The following SLC44A2 variants were observed in gnomAD, a reference collection of about 807,000 sequenced individuals.
SLC44A2 encodes solute carrier family 44 member 2 (CTL2 blood group).
SLC44A2 carries 57 observed loss-of-function variants against 90.8 expected under a neutral mutation model. The ratio of observed to expected loss-of-function variants is 0.63; its 90% CI spans 0.51 to 0.78. The LOEUF is 0.78. SLC44A2 is among the 30% of genes least tolerant of loss of function. The pLI, the probability that SLC44A2 is intolerant of heterozygous loss-of-function variation, is 0.00. For missense variants in SLC44A2, 794 were observed against 919.7 expected (o/e 0.86, Z 1.77); for synonymous variants, 355 against 360.7 (o/e 0.98, Z 0.18).
At position 10,608,647 on chromosome 19, in the gene SLC44A2, A is replaced by T. The variant is rs937208048; in HGVS notation, c.31+6086A>T. ...TTATTAGTATATATATATTTTATTT[A>T]TTTATTTATTTTTTTAATTTGAGAC... On this transcript the variant is annotated intron_variant, in intron 1 of 21. Transcript: ENST00000407327. Among the ~76,000 whole-genome samples, 4 of 150,280 alleles carry T rather than the reference A, an allele frequency of 2.7e-5. No individual in the cohort carries two copies. In the East Asian group the frequency reaches 7.7e-4, roughly 29 times the overall value.
intron 1 of SLC44A2, among the ~76,000 whole-genome samples, chr19:10,608,919 G>A (rs1918198543): frequency 6.6e-6 from 1 of 151,172 alleles, no homozygotes; most frequent in Non-Finnish European, 1.5e-5. Flanking sequence ...CCAGAGTGCT[G>A]GGGCTAGAGT....
chr19:10,613,564 T>C (rs1443823471), intron 1 of SLC44A2, among the ~76,000 whole-genome samples: 1 of 152,130 alleles, frequency 6.6e-6, no homozygotes, highest in Admixed American at 6.6e-5. Context: ...TTGAAGACTT[T>C]GGCTGGGTGT....
At chr19:10,621,278 G>A (rs370154583), upstream of SLC44A2, among the ~76,000 whole-genome samples, 2 of 152,074 alleles carry the variant, frequency 1.3e-5, no homozygotes, top group African/African-American at 2.4e-5. Flanking sequence ...CTTGAACCCG[G>A]GAGGTGGAGG....
chr19:10,627,896 C>T (rs922227426), intron 3 of SLC44A2, 24 bp from the exon 4 acceptor site: 1 of 1,612,912 alleles, frequency 6.2e-7, no homozygotes. Context: ...GGCAGTGTCT[C>T]AGTATCCCTG....
At chr19:10,639,839 C>T (rs1046843903) in intron 20 of SLC44A2, among the ~76,000 whole-genome samples, 12 of 152,036 alleles carry the variant, frequency 7.9e-5, no homozygotes, top group African/African-American at 2.7e-4. Context: ...CGAGATCGCG[C>T]CACTGCACTC....
chr19:10,632,673 C>A (rs1450909318), intron 10 of SLC44A2, among the ~76,000 whole-genome samples: 1 of 78,136 alleles, frequency 1.3e-5, no homozygotes, highest in Non-Finnish European at 2.3e-5. Flanking sequence ...GCTTCAATTT[C>A]TTTCTTTTTT....
At position 10,634,785 on chromosome 19, in the gene SLC44A2, C is replaced by T. The variant is rs767021990; in HGVS notation, c.853C>T (p.Arg285Ter). Residue 285 changes from arginine (R) to a stop codon, truncating the protein, a stop_gained, in exon 11 of 22, where the codon CGA becomes TGA. Coordinates refer to ENST00000335757, the MANE Select transcript of SLC44A2 (RefSeq NM_020428.4). LOFTEE classifies it high-confidence loss of function. Reference sequence around the variant, plus strand: ...ATTTCACTGCTACATGGAGTACTCCCGACTGCGTGGTGAGGCCGGCTCTGA... The same window carrying T: ...ATTTCACTGCTACATGGAGTACTCCTGACTGCGTGGTGAGGCCGGCTCTGA... The part of the protein sequence containing the change: ...GIFHCYMEYS[R>*]LRGEAGSDVS... 2.5e-6 allele frequency: 4 copies of T among 1,614,144 alleles called. No homozygotes were observed. The highest frequency in any genetic ancestry group is 1.7e-5 in the Admixed American group (1 of 60,002).
intron 1 of SLC44A2, among the ~76,000 whole-genome samples, chr19:10,609,486 G>C (rs918907940): frequency 1.3e-5 from 2 of 151,852 alleles, no homozygotes; most frequent in African/African-American, 4.8e-5. Flanking sequence ...TTTTAGTAGA[G>C]ACTGGGTTTT....
chr19:10,627,924 G>T lies in SLC44A2; in HGVS notation c.165G>T (p.Trp55Cys). 1 of 1,614,028 alleles carries T rather than the reference G, an allele frequency of 6.2e-7. No individual in the cohort carries two copies. Among genetic ancestry groups the T allele is most frequent in the Non-Finnish European group, 8.5e-7 (1 of 1,179,984 alleles). Residue 55 changes from tryptophan to cysteine, a missense_variant, in exon 4 of 22, where the codon TGG becomes TGT. Physicochemically the swap from Trp to Cys is radical, Grantham distance 215. Transcript: ENST00000335757. Reference protein sequence around the residue: ...VGYVAVGIIAWTHGDPRKVIY... With the variant: ...VGYVAVGIIACTHGDPRKVIY... The stretch of plus-strand genomic sequence containing the variant: ...TATCCCTGGATCTTTCCACAGCCTG[G>T]ACTCATGGAGACCCTCGAAAGGTGA...
At chr19:10,614,118 A>G (rs1000487865) in intron 1 of SLC44A2, among the ~76,000 whole-genome samples, 1 of 151,996 alleles carries the variant, frequency 6.6e-6, no homozygotes, top group African/African-American at 2.4e-5. Flanking sequence ...GGTGCACACC[A>G]CCACGCCCAG....
In SLC44A2 at chr19:10,631,056, G is replaced by A. The variant is rs113557915; in HGVS notation, c.246-1G>A. Reference sequence around the variant, plus strand: ...TTCCATTCTCCCTTCTCTAACTCCAGGAACAAACCCTATCTGTTTTATTTC... The same window carrying A: ...TTCCATTCTCCCTTCTCTAACTCCAAGAACAAACCCTATCTGTTTTATTTC... On this transcript the variant is annotated splice_acceptor_variant, in intron 4 of 21. Transcript: ENST00000335757. LOFTEE classifies it high-confidence loss of function. 6.2e-7 allele frequency: 1 copy of A among 1,610,478 alleles called. No individual in the cohort carries two copies. The highest frequency in any genetic ancestry group is 1.7e-5 in the Admixed American group (1 of 59,348).
intron 10 of SLC44A2, among the ~76,000 whole-genome samples, chr19:10,632,964 G>A (rs1036301449): frequency 2.0e-5 from 3 of 151,902 alleles, no homozygotes; most frequent in Non-Finnish European, 2.9e-5. Flanking sequence ...GAGCCACCGC[G>A]CCCGGACTGC....
intron 20 of SLC44A2, chr19:10,641,392 T>G (rs754384115): frequency 3.0e-5 from 13 of 434,642 alleles, no homozygotes; most frequent in South Asian, 1.1e-4. Context: ...AGACCCTGTC[T>G]CAAAAAAAAA....
At chr19:10,614,202 G>A (rs553566428) in intron 1 of SLC44A2, among the ~76,000 whole-genome samples, 2 of 152,104 alleles carry the variant, frequency 1.3e-5, no homozygotes, top group Admixed American at 1.3e-4. Context: ...CCTGACCTCA[G>A]GTGATCCACC....
At chr19:10,602,505 A>ACTCCG, upstream of SLC44A2, 1 of 1,256,974 alleles carries the variant, frequency 8.0e-7, no homozygotes, top group Non-Finnish European at 1.0e-6. Context: ...GCTGGCTCGG[A>ACTCCG]CTCCGCTCCC....
At chr19:10,624,956 A>G (rs2066918314), upstream of SLC44A2, among the ~76,000 whole-genome samples, 1 of 152,096 alleles carries the variant, frequency 6.6e-6, no homozygotes, top group African/African-American at 2.4e-5. Context: ...GCAACATAGC[A>G]ACATCCCATC....
In SLC44A2 at chr19:10,630,195, G is replaced by A. The variant is rs4548995; in HGVS notation, c.246-862G>A. 1.5e-3 allele frequency among the ~76,000 whole-genome samples: 225 copies of A among 152,038 alleles called. 1 individual carries two copies. The highest frequency in any genetic ancestry group is 5.1e-3 in the African/African-American group (212 of 41,504). ...TGAAATTCTGTCGCTACCAATAATAGAAAAAATTAGCCAGGTGTGGTTGCG... is the reference window on the plus strand; with the variant it reads ...TGAAATTCTGTCGCTACCAATAATAAAAAAAATTAGCCAGGTGTGGTTGCG... On this transcript the variant is annotated intron_variant, in intron 4 of 21. Transcript: ENST00000335757.
rs954245622 is a variant in SLC44A2 at position 10,637,402 on chromosome 19, G to A, written c.1592-242G>A. The stretch of plus-strand genomic sequence containing the variant: ...TTTTTCTTAGAGGAAGGGCTCTGGG[G>A]CTGGGATTGATGGTACTTTGTTTTA... On this transcript the variant is annotated intron_variant, in intron 16 of 21. Coordinates refer to ENST00000335757, the MANE Select transcript of SLC44A2 (RefSeq NM_020428.4). 1.4e-5 allele frequency: 7 copies of A among 515,170 alleles called. No homozygotes were observed. In the South Asian group the frequency reaches 1.6e-4, roughly 12 times the overall value. The allele number at this position is 515,170 out of a possible 1,614,324, so 31.9% of individuals were successfully genotyped here.
upstream of SLC44A2, among the ~76,000 whole-genome samples, chr19:10,622,122 G>A (rs1292203207): frequency 2.0e-5 from 3 of 152,224 alleles, no homozygotes; most frequent in Non-Finnish European, 4.4e-5. Context: ...TGAGAGAAGA[G>A]CATTCTAAGC....
Sources: gnomAD v4.1 joint callset for allele counts (sites outside exome capture counted in the v4.1 genomes callset) on GRCh38, gnomAD v4.1.1 for gene constraint, MANE v1.5 for transcripts, NCBI Gene and HGNC (gene_info 2026-07-23, HGNC 2026-07-21) for gene names.